The following ANKK1 variants were observed in gnomAD, a reference collection of about 807,000 sequenced individuals.
ANKK1 encodes the protein ankyrin repeat and kinase domain containing 1.
Under a neutral mutation model 37.6 loss-of-function variants are expected in ANKK1, and 37 were observed. The ratio of observed to expected loss-of-function variants is 0.98; its 90% CI spans 0.76 to 1.29. The LOEUF (loss-of-function observed/expected upper bound fraction) is 1.29, where lower values mean the gene tolerates loss of function less well. Among genes scored for constraint, ANKK1 ranks in the 50% most tolerant of loss-of-function variants. The pLI, the probability that ANKK1 is intolerant of heterozygous loss-of-function variation, is 0.00. For missense variants in ANKK1, 1,019 were observed against 990.6 expected (o/e 1.03, Z -0.39); for synonymous variants, 415 against 418.7 (o/e 0.99, Z 0.11).
Position 113,399,820 on chromosome 11 carries a change from A to C in ANKK1, c.1851A>C (p.Ala617=). 1.2e-6 allele frequency: 2 copies of C among 1,607,404 alleles called. No homozygotes were observed. The highest frequency in any genetic ancestry group is 1.7e-6 in the Non-Finnish European group (2 of 1,177,222). The change falls in exon 8 of 8, where the codon GCA becomes GCC. Residue 617 remains alanine, a synonymous_variant. Transcript: ENST00000303941. ...TCCATCTGCTGGCAGAGAGCCACGCAAACATGGGTGCTCTTGGAGCTGTGA... is the reference window on the plus strand; with the variant it reads ...TCCATCTGCTGGCAGAGAGCCACGCCAACATGGGTGCTCTTGGAGCTGTGA... The part of the protein sequence containing the change: ...EIIHLLAESH[A]NMGALGAVNW...
rs368483324 is a variant in ANKK1, at chr11:113,388,011, C to G, written c.127C>G (p.Arg43Gly). The G allele has an allele frequency of 3.3e-5, 51 of 1,565,914 alleles. No individual in the cohort carries two copies. Among genetic ancestry groups the G allele is most frequent in the African/African-American group, 4.1e-5 (3 of 73,878 alleles). The change falls in exon 1 of 8, where the codon CGC (arginine) becomes GGC (glycine). Residue 43 changes from arginine to glycine, a missense_variant. Coordinates refer to ENST00000303941, the MANE Select transcript of ANKK1 (RefSeq NM_178510.2). ...FSQVFQARHR[R>G]WRTEYAIKCA... is the part of the protein sequence containing the mutation. ...CCAGGTGTTCCAGGCGCGGCACAGG[C>G]GCTGGCGGACGGAGTACGCCATCAA...
chr11:113,397,014 G>A (rs1950644085), intron 5 of ANKK1, among the ~76,000 whole-genome samples: 1 of 152,196 alleles, frequency 6.6e-6, no homozygotes, highest in African/African-American at 2.4e-5. Flanking sequence ...CATTCTGTGG[G>A]AAAGGACCCT....
In ANKK1 at chr11:113,396,235, T is replaced by C. The variant is rs1950638283; in HGVS notation, c.838+13T>C. Reference sequence around the variant, plus strand: ...CCATGCTTTCTAGGTGCTTATCCAGTGCCCCCTACCCAGGGACTGGGAGCT... The same window carrying C: ...CCATGCTTTCTAGGTGCTTATCCAGCGCCCCCTACCCAGGGACTGGGAGCT... On this transcript the variant is annotated intron_variant, in intron 5 of 7. Transcript: ENST00000303941. 1.2e-6 allele frequency: 2 copies of C among 1,611,920 alleles called. No individual in the cohort carries two copies. Among genetic ancestry groups the C allele is most frequent in the Non-Finnish European group, 1.7e-6 (2 of 1,178,710 alleles).
At chr11:113,392,971 A>T (rs910338575) in intron 1 of ANKK1, among the ~76,000 whole-genome samples, 11 of 152,194 alleles carry the variant, frequency 7.2e-5, no homozygotes, top group African/African-American at 2.7e-4. Context: ...GATATACTAA[A>T]ATATCAACAG....
intron 5 of ANKK1, 48 bp downstream of exon 5, chr11:113,396,270 C>T (rs201901607): frequency 1.3e-4 from 206 of 1,597,884 alleles, no homozygotes; most frequent in East Asian, 1.2e-3. Flanking sequence ...TGGGTGGGGC[C>T]GGGAGGGGAG....
In ANKK1 at chr11:113,387,935, CCG is replaced by C; in HGVS notation, c.54_55del (p.Asp19ArgfsTer45). 1 of 1,572,718 alleles carries C rather than the reference CCG, an allele frequency of 6.4e-7. No homozygotes were observed. Among genetic ancestry groups the C allele is most frequent in the Non-Finnish European group, 8.6e-7 (1 of 1,165,852 alleles). On this transcript the variant is annotated frameshift_variant, in exon 1 of 8. Coordinates refer to ENST00000303941, the MANE Select transcript of ANKK1 (RefSeq NM_178510.2). LOFTEE classifies it high-confidence loss of function. Reference protein sequence around the residue: ...LRLGSLPVFTRDDFEGDWRLV... With the variant: ...LRLGSLPVFTXDDFEGDWRLV... Reference sequence around the variant, plus strand: ...GGCTGGGCAGCCTCCCCGTCTTCACCCGCGACGACTTCGAGGGCGACTGGCGC... The same window carrying C: ...GGCTGGGCAGCCTCCCCGTCTTCACCCGACGACTTCGAGGGCGACTGGCGC...
intron 6 of ANKK1, 124 bp from the exon 7 acceptor site, chr11:113,397,856 G>T: frequency 1.9e-6 from 2 of 1,070,362 alleles, no homozygotes; most frequent in South Asian, 2.7e-5. Flanking sequence ...GGTTTCCCAG[G>T]ATAGGGTGGG....
chr11:113,389,950 T>G (rs1224945302), intron 1 of ANKK1, among the ~76,000 whole-genome samples: 17 of 152,188 alleles, frequency 1.1e-4, no homozygotes, highest in Admixed American at 1.1e-3. Context: ...TAGGAGATTG[T>G]TATCTTCATT....
intron 5 of ANKK1, among the ~76,000 whole-genome samples, chr11:113,396,471 C>G (rs1950640277): frequency 1.3e-5 from 2 of 151,802 alleles, no homozygotes; most frequent in Admixed American, 1.3e-4. Context: ...TCCTGAGTAG[C>G]CAGAACAACA....
intron 1 of ANKK1, among the ~76,000 whole-genome samples, chr11:113,390,064 G>A (rs1041912328): frequency 3.9e-5 from 6 of 152,156 alleles, no homozygotes; most frequent in Admixed American, 3.9e-4. Context: ...ACCCGACTTG[G>A]TGCTGGATTA....
rs556578276 is a variant in ANKK1 at position 113,390,167 on chromosome 11, A to G, written c.185+2098A>G. ...GAATGGAGGATCCACTAAAATGTCC[A>G]CTCCATGAGAGTGTCTGTTTTGGTC... is the stretch of plus-strand genomic sequence containing the variant. On this transcript the variant is annotated intron_variant, in intron 1 of 7. Transcript: ENST00000303941. Among the ~76,000 whole-genome samples the G allele has an allele frequency of 2.0e-5, 3 of 152,116 alleles. No homozygotes were observed. In the South Asian group the frequency reaches 6.2e-4, roughly 32 times the overall value.
rs1192231280 is a variant in ANKK1 at position 113,400,313 on chromosome 11, T to G, written c.*46T>G. ...GGCTCACGTCTGTAATCCCAGCACT[T>G]TGGGAGGCTGAGGCAGGCAGATCAC... On this transcript the variant is annotated 3_prime_UTR_variant, in exon 8 of 8. Coordinates refer to ENST00000303941, the MANE Select transcript of ANKK1 (RefSeq NM_178510.2). The G allele has an allele frequency of 5.4e-6, 8 of 1,470,754 alleles. No individual in the cohort carries two copies. In the East Asian group the frequency reaches 1.7e-4, roughly 32 times the overall value. The allele number at this position is 1,470,754 out of a possible 1,614,324, so 91.1% of individuals were successfully genotyped here.
Position 113,399,182 on chromosome 11 carries a change from G to A in ANKK1, c.1213G>A (p.Asp405Asn), listed in dbSNP as rs267602697. The change falls in exon 8 of 8, where the codon GAC becomes AAC. Residue 405 changes from aspartate to asparagine, a missense_variant. Physicochemically the swap from Asp to Asn is conservative, Grantham distance 23. Transcript: ENST00000303941. ...GYTPLLIAAQ[D>N]QQPDLCALLL... ...CACGCCCCTCCTGATCGCCGCCCAG[G>A]ACCAGCAACCCGACCTCTGTGCCCT... The A allele has an allele frequency of 6.2e-7, 1 of 1,600,958 alleles. No individual in the cohort carries two copies. The highest frequency in any genetic ancestry group is 1.1e-5 in the South Asian group (1 of 88,272).
intron 7 of ANKK1, among the ~76,000 whole-genome samples, chr11:113,398,365 A>G (rs1950657344): frequency 6.6e-6 from 1 of 151,896 alleles, no homozygotes; most frequent in Non-Finnish European, 1.5e-5. Context: ...TAGACTAATT[A>G]AACCAGAATC....
intron 1 of ANKK1, among the ~76,000 whole-genome samples, chr11:113,390,993 G>A (rs1012017261): frequency 6.6e-5 from 10 of 152,172 alleles, no homozygotes; most frequent in African/African-American, 9.7e-5. Context: ...TTAATGCCAG[G>A]GCCCTCTGTG....
intron 2 of ANKK1, chr11:113,394,650 G>T: frequency 1.7e-6 from 1 of 578,892 alleles, no homozygotes; most frequent in Non-Finnish European, 3.3e-6. Context: ...CACTGTTTAA[G>T]TGCTTTTTGC....
rs1409237246 is a variant in ANKK1 at position 113,399,777 on chromosome 11, AG to A, written c.1811del (p.Gly604AlafsTer22). ...GWTPLHLAAY[K>X]GHLEIIHLLA... ...ACACCCCTGCATCTAGCAGCCTACA[AG>A]GGCCACCTGGAGATCATCCATCTGC... On this transcript the variant is annotated frameshift_variant, in exon 8 of 8. Coordinates refer to ENST00000303941, the MANE Select transcript of ANKK1 (RefSeq NM_178510.2). LOFTEE classifies it low-confidence loss of function (END_TRUNC). 3 of 1,603,336 alleles carry A rather than the reference AG, an allele frequency of 1.9e-6. No individual in the cohort carries two copies. In the African/African-American group the frequency reaches 4.0e-5, roughly 21 times the overall value.
intron 1 of ANKK1, 142 bp downstream of exon 1, chr11:113,388,211 T>A: frequency 8.7e-7 from 1 of 1,145,594 alleles, no homozygotes; most frequent in Non-Finnish European, 1.2e-6. Flanking sequence ...TTCCACCCAG[T>A]AGCCTGAGCC....
rs1950646477 is a variant in ANKK1, at chr11:113,397,245, TACTGCTGTC to T, written c.868_876del (p.Ser290_Leu292del). On this transcript the variant is annotated inframe_deletion, in exon 6 of 8. Coordinates refer to ENST00000303941, the MANE Select transcript of ANKK1 (RefSeq NM_178510.2). ...GCAGACATTACCATCGAGACAGACATACTGCTGTCACTGCTGCAGAGTCGTGTGGCAGTC... is the reference window on the plus strand; with the variant it reads ...GCAGACATTACCATCGAGACAGACATACTGCTGCAGAGTCGTGTGGCAGTC... The T allele has an allele frequency of 8.1e-6, 13 of 1,610,180 alleles. No homozygotes were observed. The East Asian group carries it at 2.9e-4, about 36-fold the overall frequency.
Sources: gnomAD v4.1 joint callset for allele counts (sites outside exome capture counted in the v4.1 genomes callset) on GRCh38, gnomAD v4.1.1 for gene constraint, MANE v1.5 for transcripts, NCBI Gene and HGNC (gene_info 2026-07-23, HGNC 2026-07-21) for gene names.